Variants in FGF14 observed in about 807,000 individuals in gnomAD.
FGF14 encodes the protein fibroblast growth factor 14.
A neutral mutation model predicts 25.5 loss-of-function variants in FGF14; 5 were observed. That is an observed-to-expected ratio of 0.20 (90% CI 0.10 to 0.41). The LOEUF is 0.41. Among genes scored for constraint, FGF14 ranks in the 10% least tolerant of loss-of-function variants. The probability of loss-of-function intolerance (pLI) is 1.00; values close to 1 mark genes in which losing one functional copy is unlikely to be tolerated. For missense variants in FGF14, 222 were observed against 320.1 expected, an observed-to-expected ratio of 0.69 and a Z score of 2.34; for synonymous variants, 138 against 118.3, an observed-to-expected ratio of 1.17 and a Z score of -1.08.
chr13:101,872,526 A>G (rs1243263035), intron 2 of FGF14, among the ~76,000 whole-genome samples: 1 of 151,968 alleles, frequency 6.6e-6, no homozygotes, highest in Non-Finnish European at 1.5e-5. Context: ...GATTCATGAG[A>G]CTATTGAAAT....
At chr13:102,282,214 G>A (rs1566897486) in intron 1 of FGF14, among the ~76,000 whole-genome samples, 2 of 151,974 alleles carry the variant, frequency 1.3e-5, no homozygotes, top group Non-Finnish European at 1.5e-5. Context: ...TTACAGGCAT[G>A]CACTACCATG....
At chr13:101,937,140 G>A (rs1360969308) in intron 1 of FGF14, among the ~76,000 whole-genome samples, 1 of 152,164 alleles carries the variant, frequency 6.6e-6, no homozygotes, top group South Asian at 2.1e-4. Context: ...TGCCACTGTA[G>A]ATAAAATTCT....
At chr13:101,857,006 G>A (rs1310164559) in intron 3 of FGF14, among the ~76,000 whole-genome samples, 6 of 151,938 alleles carry the variant, frequency 3.9e-5, no homozygotes, top group Non-Finnish European at 1.5e-5. Flanking sequence ...TACATTAACG[G>A]GGAGTCATTA....
intron 1 of FGF14, among the ~76,000 whole-genome samples, chr13:102,080,232 T>A (rs1473466257): frequency 1.3e-5 from 2 of 152,116 alleles, no homozygotes; most frequent in African/African-American, 4.8e-5. Context: ...TAGCAAGCTT[T>A]TGCATCCAGA....
intron 3 of FGF14, among the ~76,000 whole-genome samples, chr13:101,848,276 C>T (rs187776212): frequency 1.4e-3 from 205 of 151,744 alleles, no homozygotes; most frequent in African/African-American, 4.6e-3. Flanking sequence ...TTCTTAGAGA[C>T]CCAAAGGTTG....
chr13:102,178,525 T>C (rs9585869), intron 1 of FGF14, among the ~76,000 whole-genome samples: 2 of 152,162 alleles, frequency 1.3e-5, no homozygotes, highest in South Asian at 2.1e-4. Flanking sequence ...CATTAAGTAA[T>C]TTTTTGTCTG....
chr13:102,021,727 T>G (rs900729032), intron 1 of FGF14, among the ~76,000 whole-genome samples: 1 of 152,098 alleles, frequency 6.6e-6, no homozygotes, highest in Non-Finnish European at 1.5e-5. Flanking sequence ...AGATAATTTA[T>G]ACTCACTGCC....
chr13:101,978,360 C>T (rs571785545), intron 1 of FGF14, among the ~76,000 whole-genome samples: 4 of 152,242 alleles, frequency 2.6e-5, no homozygotes, highest in Admixed American at 6.5e-5. Flanking sequence ...ATTGTCTCTG[C>T]CTAATCTGCA....
At chr13:101,873,068 G>A (rs1359912290) in intron 2 of FGF14, among the ~76,000 whole-genome samples, 1 of 151,976 alleles carries the variant, frequency 6.6e-6, no homozygotes, top group Non-Finnish European at 1.5e-5. Flanking sequence ...AGAAGGTGGA[G>A]TGTTTTTTAG....
At chr13:102,147,898 T>C (rs922379617) in intron 1 of FGF14, among the ~76,000 whole-genome samples, 2 of 152,232 alleles carry the variant, frequency 1.3e-5, no homozygotes, top group Non-Finnish European at 2.9e-5. Context: ...TTATTCTGTA[T>C]GCCAGGCCAT....
chr13:101,808,100 G>A lies in FGF14; in HGVS notation c.408+60625C>T, dbSNP rs886756627. 3.3e-5 allele frequency among the ~76,000 whole-genome samples: 5 copies of A among 151,930 alleles called. No individual in the cohort carries two copies. In the South Asian group the frequency reaches 1.0e-3, roughly 32 times the overall value. On this transcript the variant is annotated intron_variant, in intron 3 of 4. Transcript: ENST00000376143. The stretch of plus-strand genomic sequence containing the variant: ...AGTTTAGCTCTGTGGTTTGTGTCTA[G>A]GAGGTACAATATATGTTTATGGAAT...
chr13:101,948,209 T>C (rs2035933145), intron 1 of FGF14, among the ~76,000 whole-genome samples: 1 of 152,176 alleles, frequency 6.6e-6, no homozygotes, highest in South Asian at 2.1e-4. Context: ...TATGTTACTT[T>C]TGGAGTTTAT....
chr13:102,330,124 G>C (rs761097397), intron 1 of FGF14, among the ~76,000 whole-genome samples: 1 of 152,110 alleles, frequency 6.6e-6, no homozygotes, highest in Non-Finnish European at 1.5e-5. Context: ...CCCTCTTCTA[G>C]AGGACAATTC....
chr13:101,889,033 T>C (rs531652179), intron 1 of FGF14, among the ~76,000 whole-genome samples: 1 of 152,098 alleles, frequency 6.6e-6, no homozygotes, highest in East Asian at 1.9e-4. Context: ...CAACTACAGG[T>C]AAAAGACCAC....
At position 102,101,718 on chromosome 13, in the gene FGF14, T is replaced by C. The variant is rs375755378; in HGVS notation, c.209-226422A>G. ...TCAGTTCCCCCCAACTTTTTTTTTT[T>C]CTTTGAGATGGAGTCTCACTTTATT... On this transcript the variant is annotated intron_variant, in intron 1 of 4. Transcript: ENST00000376131. Among the ~76,000 whole-genome samples the C allele has an allele frequency of 6.7e-3, 1,015 of 152,104 alleles. 12 individuals are homozygous for C. Among genetic ancestry groups the C allele is most frequent in the African/African-American group, 0.023 (941 of 41,422 alleles).
At chr13:101,732,461 T>C (rs1263432579) in intron 3 of FGF14, among the ~76,000 whole-genome samples, 1 of 152,164 alleles carries the variant, frequency 6.6e-6, no homozygotes, top group East Asian at 1.9e-4. Context: ...GCTACTAATA[T>C]ATTACTAACC....
intron 1 of FGF14, among the ~76,000 whole-genome samples, chr13:102,322,099 A>G (rs764970027): frequency 6.6e-6 from 1 of 152,124 alleles, no homozygotes; most frequent in Non-Finnish European, 1.5e-5. Context: ...GTAATGAAAA[A>G]CTAATGGGCT....
chr13:101,954,234 G>A (rs1405227695), intron 1 of FGF14, among the ~76,000 whole-genome samples: 1 of 151,426 alleles, frequency 6.6e-6, no homozygotes, highest in Non-Finnish European at 1.5e-5. Context: ...ACCTGACCAG[G>A]CGTGACCTTG....
chr13:101,988,412 G>A (rs2038709791), intron 1 of FGF14, among the ~76,000 whole-genome samples: 1 of 151,858 alleles, frequency 6.6e-6, no homozygotes, highest in African/African-American at 2.4e-5. Flanking sequence ...ACAAATAAAT[G>A]TTTTGCTATT....
Sources: gnomAD v4.1 joint callset for allele counts (sites outside exome capture counted in the v4.1 genomes callset) on GRCh38, gnomAD v4.1.1 for gene constraint, MANE v1.5 for transcripts, NCBI Gene and HGNC (gene_info 2026-07-23, HGNC 2026-07-21) for gene names.